The following POU6F2 variants were observed in gnomAD, a reference collection of about 807,000 sequenced individuals.
POU6F2 encodes POU domain, class 6, transcription factor 2.
Under a neutral mutation model 71.3 loss-of-function variants are expected in POU6F2, and 31 were observed. The ratio of observed to expected loss-of-function variants is 0.43; its 90% CI spans 0.33 to 0.59. The LOEUF is 0.59. POU6F2 is among the 20% of genes least tolerant of loss of function. The probability of loss-of-function intolerance (pLI) is 0.04; values close to 1 mark genes in which losing one functional copy is unlikely to be tolerated. For synonymous variants in POU6F2, 347 were observed against 355.7 expected, an observed-to-expected ratio of 0.98 and a Z score of 0.27; for missense variants, 783 against 856.8, an observed-to-expected ratio of 0.91 and a Z score of 1.07.
intron 1 of POU6F2, among the ~76,000 whole-genome samples, chr7:39,079,326 T>C (rs1426637428): frequency 6.6e-6 from 1 of 151,726 alleles, no homozygotes; most frequent in Non-Finnish European, 1.5e-5. Flanking sequence ...GTAGCTGGGA[T>C]TACAGGCGCC....
At chr7:39,293,706 G>T (rs1291236578) in intron 4 of POU6F2, among the ~76,000 whole-genome samples, 2 of 152,268 alleles carry the variant, frequency 1.3e-5, no homozygotes, top group Middle Eastern at 3.4e-3. Context: ...CCTAAATGTG[G>T]TACCAAATCA....
At chr7:39,455,506 G>C (rs1410554773) in intron 8 of POU6F2, among the ~76,000 whole-genome samples, 1 of 152,020 alleles carries the variant, frequency 6.6e-6, no homozygotes, top group Non-Finnish European at 1.5e-5. Flanking sequence ...CCCATTATTT[G>C]CTGTGAGAAT....
chr7:39,174,483 T>C (rs36080498), intron 2 of POU6F2, among the ~76,000 whole-genome samples: 2 of 152,188 alleles, frequency 1.3e-5, no homozygotes, highest in African/African-American at 4.8e-5. Context: ...TATATTACTG[T>C]GATCTCTTTA....
intron 4 of POU6F2, among the ~76,000 whole-genome samples, chr7:39,289,373 G>A (rs940391959): frequency 6.6e-6 from 1 of 152,200 alleles, no homozygotes; most frequent in African/African-American, 2.4e-5. Context: ...AAACTGTTAG[G>A]TTATATAATT....
At chr7:39,258,322 T>G (rs1014686427) in intron 4 of POU6F2, among the ~76,000 whole-genome samples, 13 of 152,240 alleles carry the variant, frequency 8.5e-5, no homozygotes, top group African/African-American at 3.1e-4. Context: ...CTTTTACTTT[T>G]TGAGAGCATT....
At chr7:39,129,716 A>G (rs1228340481) in intron 2 of POU6F2, among the ~76,000 whole-genome samples, 1 of 152,182 alleles carries the variant, frequency 6.6e-6, no homozygotes, top group Non-Finnish European at 1.5e-5. Flanking sequence ...TGAAGGATTT[A>G]TCTTTCACTA....
At chr7:39,319,898 TAAAC>T (rs1785349468) in intron 4 of POU6F2, among the ~76,000 whole-genome samples, 2 of 152,222 alleles carry the variant, frequency 1.3e-5, no homozygotes, top group South Asian at 2.1e-4. Context: ...CTGTATAAGA[TAAAC>T]AAAGCATGAA....
chr7:39,419,098 TATACACATATATACGTATATATG>T (rs1253865654), intron 6 of POU6F2, among the ~76,000 whole-genome samples: 1 of 74,238 alleles, frequency 1.3e-5, no homozygotes, highest in Non-Finnish European at 2.7e-5. Flanking sequence ...TATGTGTATA[TATACACATATATACGTATATATG>T]TGTATATATA....
At chr7:38,992,901 A>G (rs1021368266) in intron 1 of POU6F2, among the ~76,000 whole-genome samples, 1 of 152,154 alleles carries the variant, frequency 6.6e-6, no homozygotes, top group African/African-American at 2.4e-5. Context: ...AACTTTTAAT[A>G]CAAAAGGCCA....
intron 7 of POU6F2, among the ~76,000 whole-genome samples, chr7:39,448,585 C>G (rs1277582402): frequency 6.6e-6 from 1 of 152,136 alleles, no homozygotes; most frequent in South Asian, 2.1e-4. Flanking sequence ...ATTTTATTTT[C>G]ATCTGAAATT....
At chr7:39,103,751 T>C (rs977308373) in intron 2 of POU6F2, among the ~76,000 whole-genome samples, 1 of 151,936 alleles carries the variant, frequency 6.6e-6, no homozygotes, top group Non-Finnish European at 1.5e-5. Context: ...AGAACCCCTG[T>C]ACTGGCAAAC....
At chr7:39,070,224 G>C (rs529186627) in intron 1 of POU6F2, among the ~76,000 whole-genome samples, 1 of 152,138 alleles carries the variant, frequency 6.6e-6, no homozygotes, top group Admixed American at 6.5e-5. Context: ...AGAAAAAAAT[G>C]ACTTAAATTT....
chr7:39,453,977 G>A (rs1214501974), intron 8 of POU6F2, among the ~76,000 whole-genome samples: 1 of 152,168 alleles, frequency 6.6e-6, no homozygotes, highest in Non-Finnish European at 1.5e-5. Context: ...CTGGACTTGA[G>A]TTGCCACAAA....
At chr7:39,153,576 A>T (rs78459861) in intron 2 of POU6F2, among the ~76,000 whole-genome samples, 3,123 of 152,310 alleles carry the variant, frequency 0.021, 117 homozygotes, top group African/African-American at 0.071. Flanking sequence ...AAATGAAATC[A>T]TTATCCTCAT....
At chr7:39,240,354 G>A (rs370895643) in intron 4 of POU6F2, among the ~76,000 whole-genome samples, 1 of 152,080 alleles carries the variant, frequency 6.6e-6, no homozygotes, top group Non-Finnish European at 1.5e-5. Context: ...ACCAAATTCT[G>A]GTTCTTACAT....
At chr7:39,217,584 A>C (rs1157319680) in intron 4 of POU6F2, among the ~76,000 whole-genome samples, 1 of 152,238 alleles carries the variant, frequency 6.6e-6, no homozygotes, top group Non-Finnish European at 1.5e-5. Context: ...CTTAGTATGC[A>C]ATGATACGTG....
chr7:39,154,935 T>C (rs1175250078), intron 2 of POU6F2, among the ~76,000 whole-genome samples: 1 of 152,130 alleles, frequency 6.6e-6, no homozygotes, highest in African/African-American at 2.4e-5. Context: ...ACTGATACTA[T>C]GTGCTGATTC....
intron 1 of POU6F2, among the ~76,000 whole-genome samples, chr7:39,026,875 G>C (rs573086819): frequency 6.6e-6 from 1 of 152,102 alleles, no homozygotes; most frequent in Non-Finnish European, 1.5e-5. Flanking sequence ...ACCTAGGTTG[G>C]AATGCAGGGC....
chr7:39,048,352 A>G (rs1054302550), intron 1 of POU6F2, among the ~76,000 whole-genome samples: 15 of 150,704 alleles, frequency 1.0e-4, no homozygotes, highest in African/African-American at 2.9e-4. Flanking sequence ...TTTTATCTTC[A>G]CCCACCTCTC....
Sources: gnomAD v4.1 joint callset for allele counts (sites outside exome capture counted in the v4.1 genomes callset) on GRCh38, gnomAD v4.1.1 for gene constraint, MANE v1.5 for transcripts, NCBI Gene and HGNC (gene_info 2026-07-23, HGNC 2026-07-21) for gene names.